Variants in CSNK1G1 observed in about 807,000 individuals in gnomAD.
The protein encoded by CSNK1G1 is casein kinase I isoform gamma-1.
Under a neutral mutation model 59.6 loss-of-function variants are expected in CSNK1G1, and 22 were observed. That is an observed-to-expected ratio of 0.37 (90% CI 0.26 to 0.53). The LOEUF (loss-of-function observed/expected upper bound fraction) is 0.53, where lower values mean the gene tolerates loss of function less well. Among genes scored for constraint, CSNK1G1 ranks in the 20% least tolerant of loss-of-function variants. The probability of loss-of-function intolerance (pLI) is 0.89; values close to 1 mark genes in which losing one functional copy is unlikely to be tolerated. For missense variants in CSNK1G1, 384 were observed against 519.5 expected (o/e 0.74, Z 2.54); for synonymous variants, 179 against 177.1 (o/e 1.01, Z -0.08).
intron 1 of CSNK1G1, among the ~76,000 whole-genome samples, chr15:64,355,647 C>A (rs1249819865): frequency 6.6e-6 from 1 of 151,926 alleles, no homozygotes; most frequent in Non-Finnish European, 1.5e-5. Context: ...CTGACGAGAT[C>A]TGTGCCCTCC....
chr15:64,320,076 TG>T (rs748920247), intron 1 of CSNK1G1, among the ~76,000 whole-genome samples: 8 of 151,910 alleles, frequency 5.3e-5, no homozygotes, highest in Non-Finnish European at 8.8e-5. Context: ...GGCTAATTTT[TG>T]TTTAGTTTTT....
intron 2 of CSNK1G1, among the ~76,000 whole-genome samples, chr15:64,267,436 T>A (rs1005346594): frequency 3.3e-5 from 5 of 152,090 alleles, no homozygotes; most frequent in Non-Finnish European, 5.9e-5. Flanking sequence ...ATCCAGACCA[T>A]ATAAGGAACT....
intron 2 of CSNK1G1, among the ~76,000 whole-genome samples, chr15:64,269,091 T>C (rs186376591): frequency 6.6e-6 from 1 of 152,312 alleles, no homozygotes; most frequent in Non-Finnish European, 1.5e-5. Context: ...AATTATCTTG[T>C]TTTTATTAAT....
At chr15:64,305,172 A>G (rs1895602405) in intron 1 of CSNK1G1, among the ~76,000 whole-genome samples, 1 of 152,124 alleles carries the variant, frequency 6.6e-6, no homozygotes, top group African/African-American at 2.4e-5. Flanking sequence ...CTGTCATTCC[A>G]ATTGTAAGCT....
intron 4 of CSNK1G1, among the ~76,000 whole-genome samples, chr15:64,244,118 G>A (rs573089301): frequency 4.0e-5 from 6 of 151,884 alleles, no homozygotes; most frequent in South Asian, 2.1e-4. Context: ...GCAGTGAGCC[G>A]AGATCACGCC....
chr15:64,282,116 A>G (rs1288529570), intron 2 of CSNK1G1, among the ~76,000 whole-genome samples: 5 of 150,730 alleles, frequency 3.3e-5, no homozygotes, highest in Admixed American at 2.6e-4. Flanking sequence ...TTTTGTGGAG[A>G]TGCGGTCTTG....
intron 4 of CSNK1G1, among the ~76,000 whole-genome samples, chr15:64,229,432 G>C (rs893029397): frequency 6.6e-6 from 1 of 152,124 alleles, no homozygotes; most frequent in African/African-American, 2.4e-5. Flanking sequence ...ACTGGCTCAG[G>C]AATGGGTGCC....
intron 2 of CSNK1G1, among the ~76,000 whole-genome samples, chr15:64,299,534 G>A (rs1393289929): frequency 6.6e-6 from 1 of 151,772 alleles, no homozygotes; most frequent in African/African-American, 2.4e-5. Flanking sequence ...AGAGCTTGCA[G>A]TGAGCCGAGA....
In CSNK1G1 at chr15:64,335,468, C is replaced by T. The variant is rs984833423; in HGVS notation, c.-225+20520G>A. On this transcript the variant is annotated intron_variant, in intron 1 of 11. Coordinates refer to ENST00000303052, the MANE Select transcript of CSNK1G1 (RefSeq NM_022048.5). ...GCACTTTGGTAACAAAGTCAGTCAC[C>T]ATGACTGCCTATAGAAACACAAAAA... Among the ~76,000 whole-genome samples the T allele has an allele frequency of 6.6e-5, 10 of 152,062 alleles. No individual in the cohort carries two copies. The East Asian group carries it at 1.9e-3, about 29-fold the overall frequency.
intron 2 of CSNK1G1, among the ~76,000 whole-genome samples, chr15:64,263,546 T>C (rs563368446): frequency 6.6e-6 from 1 of 152,206 alleles, no homozygotes; most frequent in African/African-American, 2.4e-5. Flanking sequence ...CTTTTCACAG[T>C]GCAGTTGACT....
chr15:64,299,807 C>T (rs978640022), intron 2 of CSNK1G1, among the ~76,000 whole-genome samples: 3 of 151,998 alleles, frequency 2.0e-5, no homozygotes, highest in Admixed American at 1.3e-4. Flanking sequence ...CAGGAAGAAA[C>T]GCAAACAAAT....
rs1442959062 is a variant in CSNK1G1, at chr15:64,180,421, C to T, written c.1141G>A (p.Asp381Asn). 1.2e-6 allele frequency: 2 copies of T among 1,614,116 alleles called. No individual in the cohort carries two copies. Residue 381 changes from aspartate (D) to asparagine (N), a missense_variant, in exon 11 of 12, where the codon GAT becomes AAT. By Grantham distance (23) the Asp-to-Asn change is conservative. Around this residue, in one of 3 missense-constraint regions of CSNK1G1, gnomAD observed 325 missense variants for 440.9 expected, o/e 0.74. Coordinates refer to ENST00000303052, the MANE Select transcript of CSNK1G1 (RefSeq NM_022048.5). ...TTGGAGTGGGCTCCCGTGGGATCATCAACATTCAGCTCTCCATTGGTTGAG... is the reference window on the plus strand; with the variant it reads ...TTGGAGTGGGCTCCCGTGGGATCATTAACATTCAGCTCTCCATTGGTTGAG... Reference protein sequence around the residue: ...VSSTNGELNVDDPTGAHSNAP... With the variant: ...VSSTNGELNVNDPTGAHSNAP...
Position 64,337,189 on chromosome 15 carries a change from C to T in CSNK1G1, c.-225+18799G>A, listed in dbSNP as rs981719294. On this transcript the variant is annotated intron_variant, in intron 1 of 11. Transcript: ENST00000303052. ...GTTGCTGTGAGCTGAGATCTTGCCA[C>T]TGTATGCCAGCCTGGGCAACAGAGC... is the stretch of plus-strand genomic sequence containing the variant. Among the ~76,000 whole-genome samples the T allele has an allele frequency of 6.6e-5, 10 of 152,176 alleles. No individual in the cohort carries two copies. The East Asian group carries it at 1.7e-3, about 26-fold the overall frequency.
rs917822863 is a variant in CSNK1G1, at chr15:64,309,899, G to A, written c.-224-9176C>T. On this transcript the variant is annotated intron_variant, in intron 1 of 11. Coordinates refer to ENST00000303052, the MANE Select transcript of CSNK1G1 (RefSeq NM_022048.5). ...TCAAGACAAGATGATCGCTTGAGCC[G>A]AAGAATTCAATACCAGCTTGGTCAA... 1.1e-4 allele frequency among the ~76,000 whole-genome samples: 17 copies of A among 152,048 alleles called. No homozygotes were observed. The East Asian group carries it at 2.1e-3, about 19-fold the overall frequency.
At chr15:64,304,758 C>A (rs565862269) in intron 1 of CSNK1G1, among the ~76,000 whole-genome samples, 4 of 152,134 alleles carry the variant, frequency 2.6e-5, no homozygotes, top group South Asian at 2.1e-4. Context: ...GTCAAAACAC[C>A]CTGGGTTTTT....
At position 64,277,599 on chromosome 15, in the gene CSNK1G1, ATAATATATTAATATTGGTATATT is replaced by A. The variant is rs1342914881; in HGVS notation, c.182-18381_182-18359del. On this transcript the variant is annotated intron_variant, in intron 2 of 11. Coordinates refer to ENST00000303052, the MANE Select transcript of CSNK1G1 (RefSeq NM_022048.5). ...AAATATATTAATATTAATATATTTA[ATAATATATTAATATTGGTATATT>A]TAATATATTAATATTAATATATTTA... Among the ~76,000 whole-genome samples, 256 of 138,878 alleles carry A rather than the reference ATAATATATTAATATTGGTATATT, an allele frequency of 1.8e-3. 2 individuals carry two copies. The highest frequency in any genetic ancestry group is 6.4e-3 in the African/African-American group (247 of 38,500). The allele number at this position is 138,878 out of a possible 152,430, so 91.1% of individuals were successfully genotyped here.
At chr15:64,179,275 G>A (rs2081779840) in intron 11 of CSNK1G1, among the ~76,000 whole-genome samples, 1 of 152,026 alleles carries the variant, frequency 6.6e-6, no homozygotes, top group African/African-American at 2.4e-5. Flanking sequence ...AAGATGGGCA[G>A]GAGACCAGGG....
intron 2 of CSNK1G1, among the ~76,000 whole-genome samples, chr15:64,273,031 A>G (rs1219499884): frequency 6.6e-6 from 1 of 152,122 alleles, no homozygotes. Context: ...CAATTACCCC[A>G]CTGTAAAATT....
intron 2 of CSNK1G1, among the ~76,000 whole-genome samples, chr15:64,286,842 A>G (rs1268933926): frequency 2.6e-5 from 4 of 152,174 alleles, no homozygotes; most frequent in Non-Finnish European, 5.9e-5. Context: ...TTAATTTACC[A>G]ATGTTTTTCC....
Sources: gnomAD v4.1 joint callset for allele counts (sites outside exome capture counted in the v4.1 genomes callset) on GRCh38, gnomAD v4.1.1 for gene constraint, gnomAD v4.1.1 regional missense constraint, MANE v1.5 for transcripts, NCBI Gene and HGNC (gene_info 2026-07-23, HGNC 2026-07-21) for gene names.